The following SKAP1 variants were observed in gnomAD, a reference collection of about 807,000 sequenced individuals.
SKAP1 encodes the protein src kinase-associated phosphoprotein 1.
In SKAP1, 44 loss-of-function variants were observed where a neutral mutation model predicts 58.5. The observed-to-expected ratio is 0.75, with a 90% CI of 0.59 to 0.97. SKAP1 has a LOEUF of 0.97. Ranked by LOEUF, SKAP1 falls within the 50% of genes least tolerant of loss-of-function variation. The pLI is 0.00. For missense variants in SKAP1, 390 were observed against 435.2 expected (o/e 0.90, Z 0.92); for synonymous variants, 127 against 149.7 (o/e 0.85, Z 1.11).
intron 4 of SKAP1, among the ~76,000 whole-genome samples, chr17:48,340,324 T>A (rs6504181): frequency 0.99 from 150,125 of 152,306 alleles, 74,232 homozygotes; most frequent in Middle Eastern, 1. Context: ...AGAGCTCTTT[T>A]TAAGTACCTA....
chr17:48,437,222 T>C, the SKAP1 span, among the ~76,000 whole-genome samples: 3 of 152,298 alleles, frequency 2.0e-5, no homozygotes, highest in East Asian at 5.8e-4. Context: ...CCTCTCTCCT[T>C]AATTATTGCA....
At chr17:48,362,058 C>T (rs1259081102) in intron 3 of SKAP1, among the ~76,000 whole-genome samples, 1 of 152,216 alleles carries the variant, frequency 6.6e-6, no homozygotes, top group Admixed American at 6.5e-5. Context: ...CTTACATTTA[C>T]TTCCAAATGC....
At chr17:48,215,041 C>T (rs2064922181) in intron 4 of SKAP1, among the ~76,000 whole-genome samples, 1 of 152,006 alleles carries the variant, frequency 6.6e-6, no homozygotes, top group Non-Finnish European at 1.5e-5. Flanking sequence ...CTGCCTCAGC[C>T]TCTCCAAGTG....
chr17:48,333,723 G>A (rs1199602847), intron 4 of SKAP1, among the ~76,000 whole-genome samples: 1 of 151,956 alleles, frequency 6.6e-6, no homozygotes, highest in Non-Finnish European at 1.5e-5. Context: ...AAATATGAAA[G>A]CAGTAAAAAG....
intron 4 of SKAP1, among the ~76,000 whole-genome samples, chr17:48,246,144 G>C (rs2065293823): frequency 6.6e-6 from 1 of 152,190 alleles, no homozygotes; most frequent in African/African-American, 2.4e-5. Context: ...TAAAATGGAA[G>C]ACTTAGGTAA....
At chr17:48,205,037 T>A (rs56102744) in intron 4 of SKAP1, among the ~76,000 whole-genome samples, 1 of 55,748 alleles carries the variant, frequency 1.8e-5, no homozygotes, top group African/African-American at 5.4e-5. Flanking sequence ...CTTTCTTTCT[T>A]TCTCTCTCTC....
chr17:48,365,050 C>T (rs2066984670), intron 2 of SKAP1, among the ~76,000 whole-genome samples: 1 of 152,044 alleles, frequency 6.6e-6, no homozygotes, highest in Non-Finnish European at 1.5e-5. Flanking sequence ...CACCTAGATG[C>T]TTACACACAT....
intron 2 of SKAP1, 63 bp from the exon 3 acceptor site, chr17:48,363,877 G>T: frequency 7.0e-7 from 1 of 1,420,226 alleles, no homozygotes; most frequent in South Asian, 1.3e-5. Flanking sequence ...ATTTTGGTTG[G>T]CCTACCATAG....
intron 2 of SKAP1, 148 bp downstream of exon 2, chr17:48,396,532 C>T (rs1470723584): frequency 4.3e-6 from 2 of 464,638 alleles, no homozygotes; most frequent in South Asian, 3.7e-5. Flanking sequence ...TGCTTGCCTG[C>T]CTCCAGTTCA....
intron 4 of SKAP1, among the ~76,000 whole-genome samples, chr17:48,291,928 T>C (rs2065902469): frequency 6.6e-6 from 1 of 152,126 alleles, no homozygotes; most frequent in Non-Finnish European, 1.5e-5. Flanking sequence ...TGGATATTTA[T>C]ATAGAGATTT....
At chr17:48,332,466 A>C (rs1186869389) in intron 4 of SKAP1, among the ~76,000 whole-genome samples, 1 of 152,202 alleles carries the variant, frequency 6.6e-6, no homozygotes, top group East Asian at 1.9e-4. Flanking sequence ...TATCATTTAA[A>C]AAATGACGAG....
intron 4 of SKAP1, among the ~76,000 whole-genome samples, chr17:48,239,806 A>G (rs1472936312): frequency 6.9e-6 from 1 of 144,352 alleles, no homozygotes; most frequent in African/African-American, 2.6e-5. Flanking sequence ...GACCCCCTCC[A>G]CCCCCACCAA....
chr17:48,388,390 C>T (rs1223809206), intron 2 of SKAP1, among the ~76,000 whole-genome samples: 3 of 152,036 alleles, frequency 2.0e-5, no homozygotes, highest in Non-Finnish European at 4.4e-5. Flanking sequence ...GCCGAGATCA[C>T]GCCACTGCAC....
At chr17:48,345,541 T>C (rs2066712020) in intron 4 of SKAP1, among the ~76,000 whole-genome samples, 1 of 152,154 alleles carries the variant, frequency 6.6e-6, no homozygotes, top group East Asian at 1.9e-4. Flanking sequence ...AAATAAAAGC[T>C]TCAATTCTCA....
At chr17:48,444,066 A>G in the SKAP1 span, among the ~76,000 whole-genome samples, 6 of 152,116 alleles carry the variant, frequency 3.9e-5, no homozygotes, top group Non-Finnish European at 8.8e-5. Context: ...CTTCAACGGT[A>G]TTTTCTAAGA....
chr17:48,145,251 G>A (rs1317775875), intron 11 of SKAP1, among the ~76,000 whole-genome samples: 1 of 152,050 alleles, frequency 6.6e-6, no homozygotes, highest in Non-Finnish European at 1.5e-5. Flanking sequence ...AAAAATAAAA[G>A]TTGGCTATTT....
At chr17:48,325,856 C>A (rs2066430482) in intron 4 of SKAP1, among the ~76,000 whole-genome samples, 1 of 152,168 alleles carries the variant, frequency 6.6e-6, no homozygotes, top group African/African-American at 2.4e-5. Flanking sequence ...GTATATCTTT[C>A]CAGACTTTGA....
At chr17:48,138,370 ATTT>A (rs34767643) in intron 11 of SKAP1, among the ~76,000 whole-genome samples, 1 of 130,216 alleles carries the variant, frequency 7.7e-6, no homozygotes, top group Non-Finnish European at 1.7e-5. Context: ...ACACCCGGCT[ATTT>A]TTTTTTTTTT....
At chr17:48,134,437 G>A (rs1263440940) in intron 12 of SKAP1, among the ~76,000 whole-genome samples, 1 of 152,054 alleles carries the variant, frequency 6.6e-6, no homozygotes, top group African/African-American at 2.4e-5. Context: ...TCCTGCCTCA[G>A]CCTCCTGAGT....
Sources: gnomAD v4.1 joint callset for allele counts (sites outside exome capture counted in the v4.1 genomes callset) on GRCh38, gnomAD v4.1.1 for gene constraint, MANE v1.5 for transcripts, NCBI Gene and HGNC (gene_info 2026-07-23, HGNC 2026-07-21) for gene names.